Variants in NFIL3 observed in about 807,000 individuals in gnomAD.
NFIL3 encodes nuclear factor, interleukin 3 regulated, also known as nuclear factor interleukin-3-regulated protein.
In NFIL3, 5 loss-of-function variants were observed where a neutral mutation model predicts 10.0. The observed-to-expected ratio is 0.50, with a 90% CI of 0.26 to 1.06. NFIL3 has a LOEUF of 1.06. Ranked by LOEUF, NFIL3 falls within the 50% of genes least tolerant of loss-of-function variation. The pLI is 0.13. For synonymous variants in NFIL3, 202 were observed against 206.5 expected, an observed-to-expected ratio of 0.98 and a Z score of 0.19; for missense variants, 436 against 547.6, an observed-to-expected ratio of 0.80 and a Z score of 2.03.
the NFIL3 span, among the ~76,000 whole-genome samples, chr9:91,445,923 G>A: frequency 6.6e-6 from 1 of 152,154 alleles, no homozygotes; most frequent in African/African-American, 2.4e-5. Flanking sequence ...TGGTACAGTG[G>A]CAGCAAAGAC....
chr9:91,443,752 G>T, the NFIL3 span, among the ~76,000 whole-genome samples: 2 of 152,160 alleles, frequency 1.3e-5, no homozygotes, highest in Non-Finnish European at 2.9e-5. Context: ...TCAGAAGGGG[G>T]CAGGGCTCCC....
intron 1 of NFIL3, among the ~76,000 whole-genome samples, chr9:91,422,423 A>G (rs1185035574): frequency 6.6e-6 from 1 of 151,524 alleles, no homozygotes; most frequent in Non-Finnish European, 1.5e-5. Context: ...AGCAAACTCC[A>G]TGCTTACCCG....
At chr9:91,471,118 G>T in the NFIL3 span, among the ~76,000 whole-genome samples, 3 of 152,028 alleles carry the variant, frequency 2.0e-5, no homozygotes, top group African/African-American at 7.3e-5. Context: ...CTGACAGTGG[G>T]GTGTTAAAGT....
chr9:91,415,689 G>A (rs534961816), intron 1 of NFIL3, among the ~76,000 whole-genome samples: 16 of 151,012 alleles, frequency 1.1e-4, no homozygotes, highest in Middle Eastern at 3.2e-3. Context: ...GTGCAATGGC[G>A]CGATCTTGGC....
chr9:91,439,452 T>C, the NFIL3 span, among the ~76,000 whole-genome samples: 1 of 152,040 alleles, frequency 6.6e-6, no homozygotes, highest in Non-Finnish European at 1.5e-5. Flanking sequence ...GATTGTACAA[T>C]CTGCAAAATA....
the NFIL3 span, among the ~76,000 whole-genome samples, chr9:91,481,651 A>G: frequency 6.6e-6 from 1 of 152,148 alleles, no homozygotes; most frequent in East Asian, 1.9e-4. Context: ...TTTGCGGTTA[A>G]CGTTTTTTGT....
the NFIL3 span, among the ~76,000 whole-genome samples, chr9:91,436,198 C>T: frequency 3.3e-5 from 5 of 152,228 alleles, no homozygotes; most frequent in Admixed American, 1.3e-4. Context: ...CTCCTGCAAA[C>T]AGGATACAGC....
the NFIL3 span, among the ~76,000 whole-genome samples, chr9:91,470,500 T>G: frequency 6.6e-6 from 1 of 151,724 alleles, no homozygotes; most frequent in African/African-American, 2.4e-5. Context: ...TTTTGAAGGG[T>G]TTTTTATGTC....
At chr9:91,456,215 C>T in the NFIL3 span, among the ~76,000 whole-genome samples, 1 of 152,124 alleles carries the variant, frequency 6.6e-6, no homozygotes, top group Non-Finnish European at 1.5e-5. Context: ...ATTGTTCCAG[C>T]ACTTTCAACA....
At chr9:91,435,601 A>G in the NFIL3 span, among the ~76,000 whole-genome samples, 7 of 152,212 alleles carry the variant, frequency 4.6e-5, no homozygotes, top group Admixed American at 1.3e-4. Flanking sequence ...TTTTAGAGAC[A>G]TCTGCCTGCG....
the NFIL3 span, among the ~76,000 whole-genome samples, chr9:91,436,576 TCAACAACAA>T: frequency 0.016 from 2,152 of 138,688 alleles, 38 homozygotes; most frequent in African/African-American, 0.055. Flanking sequence ...AGACTCTGCC[TCAACAACAA>T]CAACAACAAC....
intron 1 of NFIL3, among the ~76,000 whole-genome samples, chr9:91,422,527 T>C (rs532230323): frequency 2.0e-5 from 3 of 152,306 alleles, no homozygotes; most frequent in South Asian, 2.1e-4. Flanking sequence ...ACTTTCTTTG[T>C]AGCAAGATTA....
chr9:91,413,439 C>A (rs1454033394), intron 1 of NFIL3, among the ~76,000 whole-genome samples: 1 of 151,826 alleles, frequency 6.6e-6, no homozygotes, highest in Non-Finnish European at 1.5e-5. Flanking sequence ...TTAGTAGAGA[C>A]GGGATTTTAC....
chr9:91,435,605 G>A, the NFIL3 span, among the ~76,000 whole-genome samples: 1 of 152,132 alleles, frequency 6.6e-6, no homozygotes, highest in Non-Finnish European at 1.5e-5. Context: ...AGAGACATCT[G>A]CCTGCGCCTG....
the NFIL3 span, among the ~76,000 whole-genome samples, chr9:91,436,531 T>A: frequency 3.3e-5 from 5 of 152,108 alleles, no homozygotes; most frequent in Non-Finnish European, 5.9e-5. Flanking sequence ...TGAGTCGAGA[T>A]GGCGCCACTG....
chr9:91,442,263 C>A, the NFIL3 span, among the ~76,000 whole-genome samples: 3 of 152,084 alleles, frequency 2.0e-5, no homozygotes, highest in African/African-American at 7.2e-5. Context: ...AAATATATTA[C>A]CCCTTTCTTT....
chr9:91,410,469 C>A lies in NFIL3; in HGVS notation c.266G>T (p.Arg89Ile). The A allele has an allele frequency of 6.2e-7, 1 of 1,614,218 alleles. No homozygotes were observed. The stretch of plus-strand genomic sequence containing the variant: ...ATTCAGTCGACGCTTCTCACGAGAT[C>A]TTTTGGCAGCTTCATTATTTTTCCG... ...KRRKNNEAAK[R>I]SREKRRLNDL... The change falls in exon 2 of 2, where the codon AGA (arginine) becomes ATA (isoleucine). Residue 89 changes from arginine to isoleucine, a missense_variant. This residue lies in a region of NFIL3 where 22 missense variants were observed against 74.7 expected (regional missense o/e 0.29). Coordinates refer to ENST00000297689, the MANE Select transcript of NFIL3 (RefSeq NM_005384.3). The surrounding 1 kb of genome is among the most constrained non-coding windows in gnomAD (Gnocchi z 5.7).
the NFIL3 span, among the ~76,000 whole-genome samples, chr9:91,455,787 T>C: frequency 2.6e-5 from 4 of 152,216 alleles, no homozygotes; most frequent in African/African-American, 9.6e-5. Flanking sequence ...TATCCCATTA[T>C]TGGAACGCTA....
Position 91,410,881 on chromosome 9 carries a change from G to T in NFIL3, c.-147C>A. The T allele has an allele frequency of 1.2e-6, 1 of 800,446 alleles. No individual in the cohort carries two copies. Among genetic ancestry groups the T allele is most frequent in the Non-Finnish European group, 1.9e-6 (1 of 531,090 alleles). 49.6% of individuals were successfully genotyped at this position (800,446 alleles called of 1,614,324 possible). On this transcript the variant is annotated 5_prime_UTR_variant, in exon 2 of 2. Transcript: ENST00000297689. The surrounding 1 kb of genome is among the most constrained non-coding windows in gnomAD (Gnocchi z 5.7). ...GGATAAATCCGTCAGGCTCCTTATT[G>T]AATGAAGTTGGGCCTCCTTCGTTAT...
Sources: allele counts gnomAD v4.1 joint callset (sites outside exome capture counted in the v4.1 genomes callset), GRCh38; gene constraint gnomAD v4.1.1; regional missense constraint gnomAD v4.1.1; non-coding constraint Gnocchi (gnomAD v3.1); transcripts MANE v1.5; gene names NCBI Gene and HGNC (gene_info 2026-07-23, HGNC 2026-07-21).